Variants in DYDC1 observed in about 807,000 individuals in gnomAD.
The protein encoded by DYDC1 is DPY30 domain containing 1.
A neutral mutation model predicts 27.9 loss-of-function variants in DYDC1; 21 were observed. The ratio of observed to expected loss-of-function variants is 0.75; its 90% confidence interval spans 0.53 to 1.08. The LOEUF is 1.08. Among genes scored for constraint, DYDC1 ranks in the 50% least tolerant of loss-of-function variants. DYDC1 has a pLI of 0.00. For synonymous variants in DYDC1, 67 were observed against 65.8 expected (o/e 1.02, Z -0.09); for missense variants, 202 against 205.9 (o/e 0.98, Z 0.12).
At chr10:80,339,951 T>C (rs903181207) in intron 4 of DYDC1, among the ~76,000 whole-genome samples, 1 of 152,140 alleles carries the variant, frequency 6.6e-6, no homozygotes, top group African/African-American at 2.4e-5. Context: ...GCCACAGAGA[T>C]GGATATTTGA....
chr10:80,356,286 C>G, intron 1 of DYDC1: 3 of 985,620 alleles, frequency 3.0e-6, no homozygotes, highest in Non-Finnish European at 3.6e-6. Context: ...TAAGAAAGCC[C>G]TTTCCCACAG....
At chr10:80,343,528 A>G (rs1462008323) in intron 3 of DYDC1, among the ~76,000 whole-genome samples, 1 of 152,036 alleles carries the variant, frequency 6.6e-6, no homozygotes, top group Non-Finnish European at 1.5e-5. Flanking sequence ...AATCCCAGCT[A>G]CTCAGGAGCG....
Position 80,336,184 on chromosome 10 carries a change from A to G in DYDC1, c.506T>C (p.Ile169Thr). 1.3e-6 allele frequency: 2 copies of G among 1,568,862 alleles called. No homozygotes were observed. Among genetic ancestry groups the G allele is most frequent in the South Asian group, 1.2e-5 (1 of 83,604 alleles). ...EELDEPMFSD[I>T]ALNIDQDL Reference sequence around the variant, plus strand: ...CAAATCTTGATCAATGTTTAATGCAATCTAAAAGCAAAACAAAAAGTAAAT... The same window carrying G: ...CAAATCTTGATCAATGTTTAATGCAGTCTAAAAGCAAAACAAAAAGTAAAT... Residue 169 changes from isoleucine to threonine, a missense_variant and splice_region_variant, in exon 7 of 7, where the codon ATT becomes ACT. Transcript: ENST00000372202.
chr10:80,356,142 A>C (rs542151775), intron 1 of DYDC1: 1 of 655,120 alleles, frequency 1.5e-6, no homozygotes, highest in African/African-American at 2.0e-5. Flanking sequence ...ATTTCTGGGC[A>C]TATCAGTGGG....
At chr10:80,341,840 C>T (rs1842330299) in intron 4 of DYDC1, among the ~76,000 whole-genome samples, 1 of 152,094 alleles carries the variant, frequency 6.6e-6, no homozygotes, top group Non-Finnish European at 1.5e-5. Context: ...ACCTGACCAA[C>T]ATGGAGAAAC....
chr10:80,337,223 A>C (rs998534383), intron 6 of DYDC1: 5 of 985,232 alleles, frequency 5.1e-6, no homozygotes, highest in Non-Finnish European at 6.0e-6. Flanking sequence ...GTCTCTCCCT[A>C]CTCTGTCCCT....
chr10:80,338,703 A>C lies in DYDC1; in HGVS notation c.400-132T>G, dbSNP rs186182906. ...ACATTATTAATTAGTGGAATTAACCAATTTCTGTTAATGACAAGAGAATTC... is the reference window on the plus strand; with the variant it reads ...ACATTATTAATTAGTGGAATTAACCCATTTCTGTTAATGACAAGAGAATTC... On this transcript the variant is annotated intron_variant, in intron 5 of 6. Transcript: ENST00000372202. 5.4e-3 allele frequency: 4,888 copies of C among 900,228 alleles called. 20 individuals carry two copies. The highest frequency in any genetic ancestry group is 0.025 in the Middle Eastern group (72 of 2,860). The allele number at this position is 900,228 out of a possible 1,614,324, so 55.8% of individuals were successfully genotyped here.
rs1589494651 is a variant in DYDC1 at position 80,336,160 on chromosome 10, A to G, written c.530T>C (p.Leu177Ser). The change falls in exon 7 of 7, where the codon TTG (leucine) becomes TCG (serine). Residue 177 changes from leucine to serine, a missense_variant. Leu to Ser is a moderately radical substitution (Grantham distance 145). Transcript: ENST00000372202. ...SDIALNIDQDL is the reference protein window; with the variant it reads ...SDIALNIDQDS ...TTGCTCTTAGGTTGGTTGGTCCTAC[A>G]AATCTTGATCAATGTTTAATGCAAT... 6.4e-7 allele frequency: 1 copy of G among 1,553,622 alleles called. No homozygotes were observed. The highest frequency in any genetic ancestry group is 2.3e-5 in the East Asian group (1 of 44,152).
intron 1 of DYDC1, 102 bp downstream of exon 1, chr10:80,356,610 G>A (rs1843385059): frequency 1.0e-6 from 1 of 985,498 alleles, no homozygotes; most frequent in Non-Finnish European, 1.2e-6. Flanking sequence ...AGTCCTGCTC[G>A]ACGCCCAAGG....
chr10:80,354,859 G>C (rs1843259014), intron 1 of DYDC1, among the ~76,000 whole-genome samples: 1 of 152,166 alleles, frequency 6.6e-6, no homozygotes, highest in Non-Finnish European at 1.5e-5. Context: ...AATGTGTATT[G>C]TTTTTAAGCC....
chr10:80,337,276 G>A (rs1842164159), intron 6 of DYDC1: 1 of 985,320 alleles, frequency 1.0e-6, no homozygotes, highest in South Asian at 4.7e-5. Context: ...AAGGGCAGAA[G>A]CCCAATCCAT....
intron 4 of DYDC1, 60 bp downstream of exon 4, chr10:80,342,209 A>G: frequency 6.5e-7 from 1 of 1,527,974 alleles, no homozygotes; most frequent in South Asian, 1.1e-5. Flanking sequence ...GCTGAAATAA[A>G]CAGTTTGAAG....
intron 3 of DYDC1, among the ~76,000 whole-genome samples, chr10:80,343,992 T>A (rs1382618573): frequency 6.6e-6 from 1 of 152,080 alleles, no homozygotes; most frequent in Non-Finnish European, 1.5e-5. Context: ...AGCAGGTGCC[T>A]GTAGTCTCAG....
intron 1 of DYDC1, among the ~76,000 whole-genome samples, chr10:80,355,111 T>C (rs1352258182): frequency 1.4e-5 from 2 of 143,170 alleles, no homozygotes; most frequent in Non-Finnish European, 3.0e-5. Context: ...AAAAAAACAG[T>C]AAAATTAACA....
At chr10:80,336,104 G>T, downstream of DYDC1, 2 of 1,249,776 alleles carry the variant, frequency 1.6e-6, no homozygotes, top group Non-Finnish European at 2.3e-6. Flanking sequence ...GAACCTCATG[G>T]TTTGAAATTT....
chr10:80,347,712 C>T (rs1669993819), intron 3 of DYDC1, among the ~76,000 whole-genome samples: 1 of 152,136 alleles, frequency 6.6e-6, no homozygotes. Context: ...AAGAGACTAT[C>T]CTTTTCCCTT....
chr10:80,349,591 A>C (rs1302464075), intron 3 of DYDC1, among the ~76,000 whole-genome samples: 1 of 152,250 alleles, frequency 6.6e-6, no homozygotes, highest in Admixed American at 6.5e-5. Context: ...TACTAAGATA[A>C]AAGTGATGGG....
In DYDC1 at chr10:80,356,602, T is replaced by C. The variant is rs1051231043; in HGVS notation, c.-10+110A>G. The C allele has an allele frequency of 7.1e-6, 7 of 985,256 alleles. No homozygotes were observed. In the African/African-American group the frequency reaches 1.2e-4, roughly 17 times the overall value. The allele number at this position is 985,256 out of a possible 1,614,324, so 61.0% of individuals were successfully genotyped here. Reference sequence around the variant, plus strand: ...GCGGCCTCTCTCCGCCTCAGGTGAGTCCTGCTCGACGCCCAAGGCCCAACG... The same window carrying C: ...GCGGCCTCTCTCCGCCTCAGGTGAGCCCTGCTCGACGCCCAAGGCCCAACG... On this transcript the variant is annotated intron_variant, in intron 1 of 6. Coordinates refer to ENST00000372202, the MANE Select transcript of DYDC1 (RefSeq NM_001269053.2).
intron 6 of DYDC1, chr10:80,337,010 A>G: frequency 9.2e-6 from 5 of 546,030 alleles, no homozygotes; most frequent in Non-Finnish European, 9.3e-6. Flanking sequence ...CCCTAAGGCA[A>G]CATACAAGAC....
Sources: allele counts gnomAD v4.1 joint callset (sites outside exome capture counted in the v4.1 genomes callset), GRCh38; gene constraint gnomAD v4.1.1; transcripts MANE v1.5; gene names NCBI Gene and HGNC (gene_info 2026-07-23, HGNC 2026-07-21).